The following COL5A2 variants were observed in gnomAD, a reference collection of about 807,000 sequenced individuals.
The protein encoded by COL5A2 is collagen type V alpha 2 chain, also known as collagen alpha-2(V) chain.
Under a neutral mutation model 208.2 loss-of-function variants are expected in COL5A2, and 23 were observed. The observed-to-expected ratio is 0.11, with a 90% CI of 0.08 to 0.16. The LOEUF (loss-of-function observed/expected upper bound fraction) is 0.16. Among genes scored for constraint, COL5A2 ranks in the 10% least tolerant of loss-of-function variants. The pLI is 1.00. For missense variants in COL5A2, 1,590 were observed against 1,956.4 expected, an observed-to-expected ratio of 0.81 and a Z score of 3.53; for synonymous variants, 625 against 628.5, an observed-to-expected ratio of 0.99 and a Z score of 0.08.
intron 25 of COL5A2, 48 bp downstream of exon 25, chr2:189,064,509 A>G: frequency 7.6e-7 from 1 of 1,307,786 alleles, no homozygotes; most frequent in Non-Finnish European, 1.1e-6. Flanking sequence ...ATGCATGCTC[A>G]GGAGCACTTC....
intron 18 of COL5A2, 67 bp from the exon 19 acceptor site, chr2:189,068,951 C>T (rs1025361112): frequency 1.6e-5 from 18 of 1,132,522 alleles, no homozygotes; most frequent in African/African-American, 6.1e-5. Flanking sequence ...CAAAGTTGAC[C>T]GCTTATTTGG....
chr2:189,378,857 A>C, the COL5A2 span, among the ~76,000 whole-genome samples: 6 of 152,222 alleles, frequency 3.9e-5, no homozygotes, highest in Non-Finnish European at 8.8e-5. Context: ...CTAAGTAATT[A>C]GTAAATTTTA....
chr2:189,184,910 C>T (rs182379731), intron 1 of COL5A2, among the ~76,000 whole-genome samples: 285 of 152,152 alleles, frequency 1.9e-3, no homozygotes, highest in East Asian at 5.8e-4. Context: ...AGATTAGACA[C>T]GAGGTTTATC....
chr2:189,163,672 T>A (rs1688413760), intron 1 of COL5A2, among the ~76,000 whole-genome samples: 2 of 152,334 alleles, frequency 1.3e-5, no homozygotes, highest in Middle Eastern at 3.4e-3. Context: ...TTATGTGTGA[T>A]GCTTCGAGTT....
At chr2:189,101,643 A>G (rs1296210222) in intron 3 of COL5A2, among the ~76,000 whole-genome samples, 1 of 152,104 alleles carries the variant, frequency 6.6e-6, no homozygotes, top group Non-Finnish European at 1.5e-5. Flanking sequence ...ATCTACTTAT[A>G]TCCTTCCAAT....
chr2:189,113,507 T>C (rs954380348), intron 1 of COL5A2, among the ~76,000 whole-genome samples: 3 of 150,874 alleles, frequency 2.0e-5, no homozygotes, highest in Non-Finnish European at 4.4e-5. Flanking sequence ...TGGAGTATTA[T>C]ATATATTATA....
chr2:189,045,202 G>C lies in COL5A2; in HGVS notation c.3340C>G (p.Arg1114Gly). ...GSRGPIGPPG[R>G]AGKRGLPGPQ... ...ACAGGTAATCCACGTTTCCCAGCTC[G>C]ACCAGGTGGTCCTATAGGACCCCGA... Residue 1114 changes from arginine (R) to glycine (G), a missense_variant, in exon 47 of 54, where the codon CGA becomes GGA. By Grantham distance (125) the Arg-to-Gly change is moderately radical. Coordinates refer to ENST00000374866, the MANE Select transcript of COL5A2 (RefSeq NM_000393.5). 1 of 1,605,008 alleles carries C rather than the reference G, an allele frequency of 6.2e-7. No individual in the cohort carries two copies. The highest frequency in any genetic ancestry group is 8.5e-7 in the Non-Finnish European group (1 of 1,176,080).
At chr2:189,194,471 CT>C (rs1425498029) in intron 1 of COL5A2, among the ~76,000 whole-genome samples, 1 of 152,098 alleles carries the variant, frequency 6.6e-6, no homozygotes, top group African/African-American at 2.4e-5. Flanking sequence ...TGACATAATG[CT>C]TTTTTTCCAA....
the COL5A2 span, among the ~76,000 whole-genome samples, chr2:189,318,352 G>A: frequency 2.0e-5 from 3 of 152,200 alleles, no homozygotes; most frequent in South Asian, 2.1e-4. Context: ...GGATTCCATC[G>A]CCCATTTTAC....
chr2:189,203,327 T>C (rs1385002245), intron 1 of COL5A2, among the ~76,000 whole-genome samples: 1 of 152,154 alleles, frequency 6.6e-6, no homozygotes, highest in African/African-American at 2.4e-5. Context: ...ATCCCATAAA[T>C]ACAGGAGAAA....
chr2:189,137,734 G>T (rs1687853513), intron 1 of COL5A2, among the ~76,000 whole-genome samples: 1 of 152,012 alleles, frequency 6.6e-6, no homozygotes, highest in South Asian at 2.1e-4. Flanking sequence ...GTTGAACTGG[G>T]GCTTGTGCAA....
At chr2:189,140,876 A>G (rs1687921978) in intron 1 of COL5A2, among the ~76,000 whole-genome samples, 1 of 152,206 alleles carries the variant, frequency 6.6e-6, no homozygotes, top group African/African-American at 2.4e-5. Context: ...TGGATAAATT[A>G]CATGAAAAAA....
the COL5A2 span, among the ~76,000 whole-genome samples, chr2:189,308,780 C>A: frequency 6.6e-6 from 1 of 152,130 alleles, no homozygotes; most frequent in African/African-American, 2.4e-5. Flanking sequence ...AGAGAGAGGG[C>A]TTCAAGTTGT....
the COL5A2 span, among the ~76,000 whole-genome samples, chr2:189,409,454 A>G: frequency 5.3e-5 from 8 of 152,008 alleles, no homozygotes; most frequent in East Asian, 1.9e-4. Flanking sequence ...AGCATTTTCT[A>G]TAGTATTCTG....
upstream of COL5A2, among the ~76,000 whole-genome samples, chr2:189,182,260 C>T (rs957436598): frequency 1.3e-5 from 2 of 152,166 alleles, no homozygotes; most frequent in Non-Finnish European, 2.9e-5. Context: ...GAAGCCTATC[C>T]TAACAGTGTA....
chr2:189,391,218 T>C, the COL5A2 span, among the ~76,000 whole-genome samples: 2 of 152,152 alleles, frequency 1.3e-5, no homozygotes, highest in African/African-American at 4.8e-5. Flanking sequence ...GAGGTTTAGA[T>C]CTGAAATGTA....
intron 1 of COL5A2, among the ~76,000 whole-genome samples, chr2:189,150,378 T>C (rs1688120266): frequency 6.6e-6 from 1 of 152,146 alleles, no homozygotes; most frequent in Non-Finnish European, 1.5e-5. Context: ...AATGCAACTC[T>C]CATTCTGTCA....
intron 50 of COL5A2, among the ~76,000 whole-genome samples, chr2:189,040,337 T>TA (rs1408394824): frequency 3.6e-5 from 5 of 139,798 alleles, no homozygotes; most frequent in Admixed American, 6.9e-5. Context: ...CCTCCTGCCT[T>TA]TTTTTTTTTT....
chr2:189,235,855 T>A, the COL5A2 span, among the ~76,000 whole-genome samples: 1 of 151,610 alleles, frequency 6.6e-6, no homozygotes, highest in African/African-American at 2.4e-5. Flanking sequence ...AACTTGGATT[T>A]TGGAGTAAGT....
Sources: allele counts gnomAD v4.1 joint callset (sites outside exome capture counted in the v4.1 genomes callset), GRCh38; gene constraint gnomAD v4.1.1; transcripts MANE v1.5; gene names NCBI Gene and HGNC (gene_info 2026-07-23, HGNC 2026-07-21).